Variants in BRD1 observed in about 807,000 individuals in gnomAD.
BRD1 encodes bromodomain-containing protein 1.
In BRD1, 24 loss-of-function variants were observed where a neutral mutation model predicts 107.7. The ratio of observed to expected loss-of-function variants is 0.22; its 90% CI spans 0.16 to 0.31. The LOEUF (loss-of-function observed/expected upper bound fraction) is 0.31, where lower values mean the gene tolerates loss of function less well. Ranked by LOEUF, BRD1 falls within the 10% of genes least tolerant of loss-of-function variation. The probability of loss-of-function intolerance (pLI) is 1.00; values close to 1 mark genes in which losing one functional copy is unlikely to be tolerated. For synonymous variants in BRD1, 744 were observed against 686.1 expected, an observed-to-expected ratio of 1.08 and a Z score of -1.32; for missense variants, 1,279 against 1,638.6, an observed-to-expected ratio of 0.78 and a Z score of 3.79.
intron 2 of BRD1, 95 bp from the exon 3 acceptor site, chr22:49,804,455 T>C (rs2059702932): frequency 2.9e-6 from 4 of 1,399,082 alleles, no homozygotes; most frequent in South Asian, 3.0e-5. Context: ...AACAAAACCA[T>C]GTGTTCATAC....
In BRD1 at chr22:49,827,525, G is replaced by C. The variant is rs2060159622; in HGVS notation, c.-43C>G. Reference sequence around the variant, plus strand: ...CGGGGCGCCGCGGCCGCGGGAGCCCGGCAAGCGGGCGGGCGCGGGGGCCGG... The same window carrying C: ...CGGGGCGCCGCGGCCGCGGGAGCCCCGCAAGCGGGCGGGCGCGGGGGCCGG... On this transcript the variant is annotated 5_prime_UTR_variant, in exon 1 of 13. Transcript: ENST00000404760. 1 of 144,788 alleles carries C rather than the reference G, an allele frequency of 6.9e-6. No homozygotes were observed. Among genetic ancestry groups the C allele is most frequent in the Non-Finnish European group, 1.5e-5 (1 of 65,306 alleles). The allele number at this position is 144,788 out of a possible 1,614,324, so 9.0% of individuals were successfully genotyped here.
At chr22:49,820,461 C>A (rs2060044182) in intron 2 of BRD1, among the ~76,000 whole-genome samples, 1 of 152,162 alleles carries the variant, frequency 6.6e-6, no homozygotes. Context: ...ATGGGCCAGG[C>A]ACAGTGGCTC....
intron 3 of BRD1, among the ~76,000 whole-genome samples, chr22:49,800,414 G>A (rs573726722): frequency 2.0e-5 from 3 of 152,240 alleles, no homozygotes; most frequent in Non-Finnish European, 2.9e-5. Flanking sequence ...ATCAACTCAA[G>A]CAAAGGCAGG....
In BRD1 at chr22:49,788,714, G is replaced by A. The variant is rs554718257; in HGVS notation, c.2360-827C>T. ...TGGCACGAGGCTAACAGGGCGAGGC[G>A]ACGCCACAACAAGCCAAGCCCAGCC... On this transcript the variant is annotated intron_variant, in intron 7 of 12. Coordinates refer to ENST00000404760, the MANE Select transcript of BRD1 (RefSeq NM_001304808.3). Among the ~76,000 whole-genome samples the A allele has an allele frequency of 1.2e-4, 18 of 152,278 alleles. No homozygotes were observed. In the East Asian group the frequency reaches 2.1e-3, roughly 18 times the overall value.
At chr22:49,780,670 T>C (rs1240396968) in intron 8 of BRD1, among the ~76,000 whole-genome samples, 1 of 152,242 alleles carries the variant, frequency 6.6e-6, no homozygotes, top group Non-Finnish European at 1.5e-5. Context: ...AGCCTCCACC[T>C]GGACCACCAG....
intron 8 of BRD1, among the ~76,000 whole-genome samples, chr22:49,778,742 A>G (rs2059148600): frequency 6.6e-6 from 1 of 152,042 alleles, no homozygotes; most frequent in Admixed American, 6.6e-5. Context: ...GCTCACTGCA[A>G]GCTCCACCTC....
At chr22:49,817,342 C>T (rs551725638) in intron 2 of BRD1, 2 of 197,240 alleles carry the variant, frequency 1.0e-5, no homozygotes, top group South Asian at 1.1e-4. Flanking sequence ...GCAGAAGGAA[C>T]TTTCTTCATG....
intron 2 of BRD1, among the ~76,000 whole-genome samples, chr22:49,818,997 C>A (rs890254943): frequency 1.3e-5 from 2 of 152,096 alleles, no homozygotes; most frequent in African/African-American, 4.8e-5. Flanking sequence ...GTGGTTCACG[C>A]CTGTAATCTC....
At position 49,787,597 on chromosome 22, in the gene BRD1, G is replaced by C. The variant is rs1358082663; in HGVS notation, c.2650C>G (p.Leu884Val). The change falls in exon 8 of 13, where the codon CTC becomes GTC. Residue 884 changes from leucine to valine, a missense_variant. Around this residue, in one of 7 missense-constraint regions of BRD1, gnomAD observed 263 missense variants for 251.6 expected, o/e 1.05. Transcript: ENST00000404760. ...ASDVNRRTSV[L>V]FCKSKSVSPP... is the part of the protein sequence containing the mutation. ...CTTACACTTTTCGATTTGCAGAAGAGAACAGAAGTGCGTCTGTTTACATCG... is the reference window on the plus strand; with the variant it reads ...CTTACACTTTTCGATTTGCAGAAGACAACAGAAGTGCGTCTGTTTACATCG... 1.9e-6 allele frequency: 3 copies of C among 1,556,252 alleles called. No homozygotes were observed. In the African/African-American group the frequency reaches 4.1e-5, roughly 21 times the overall value.
intron 6 of BRD1, among the ~76,000 whole-genome samples, chr22:49,797,263 A>G (rs571874540): frequency 6.6e-6 from 1 of 152,370 alleles, no homozygotes; most frequent in Non-Finnish European, 1.5e-5. Context: ...ACACACTCCC[A>G]GAGCCCTTTC....
chr22:49,793,741 AAT>A (rs1426396654), intron 7 of BRD1, among the ~76,000 whole-genome samples: 1 of 152,240 alleles, frequency 6.6e-6, no homozygotes, highest in Non-Finnish European at 1.5e-5. Context: ...ATTCTTTTCA[AAT>A]AGTTTCTCAG....
At chr22:49,827,313 G>A (rs2060156980) in intron 1 of BRD1, among the ~76,000 whole-genome samples, 184 bp downstream of exon 1, 2 of 149,560 alleles carry the variant, frequency 1.3e-5, no homozygotes, top group East Asian at 2.0e-4. Flanking sequence ...CGGTCTCCCC[G>A]CCCGGCCTCC....
At position 49,797,898 on chromosome 22, in the gene BRD1, C is replaced by G; in HGVS notation, c.2005G>C (p.Glu669Gln). Reference protein sequence around the residue: ...GGVVLRQARREVDSIGLEEAS... With the variant: ...GGVVLRQARRQVDSIGLEEAS... Reference sequence around the variant, plus strand: ...TCTTCCAAGCCGATGCTGTCCACCTCGCGCCGGGCCTGCCTCAGAACAACA... The same window carrying G: ...TCTTCCAAGCCGATGCTGTCCACCTGGCGCCGGGCCTGCCTCAGAACAACA... The change falls in exon 6 of 13, where the codon GAG (glutamate) becomes CAG (glutamine). Residue 669 changes from glutamate to glutamine, a missense_variant. Transcript: ENST00000404760. 6.2e-7 allele frequency: 1 copy of G among 1,614,034 alleles called. No individual in the cohort carries two copies. Among genetic ancestry groups the G allele is most frequent in the Non-Finnish European group, 8.5e-7 (1 of 1,180,036 alleles).
In BRD1 at chr22:49,796,096, CTT is replaced by C. The variant is rs60893505; in HGVS notation, c.2098+1707_2098+1708del. ...TAAAAATATATTTCCATTGTGTTTTCTTTTTTTTTTTTTTGAGACAGTCTTGC... is the reference window on the plus strand; with the variant it reads ...TAAAAATATATTTCCATTGTGTTTTCTTTTTTTTTTTTGAGACAGTCTTGC... On this transcript the variant is annotated intron_variant, in intron 6 of 12. Coordinates refer to ENST00000404760, the MANE Select transcript of BRD1 (RefSeq NM_001304808.3). 4.1e-3 allele frequency among the ~76,000 whole-genome samples: 591 copies of C among 144,432 alleles called. 1 individual carries two copies. The highest frequency in any genetic ancestry group is 0.013 in the African/African-American group (519 of 39,362). 94.8% of individuals were successfully genotyped at this position (144,432 alleles called of 152,430 possible).
Position 49,783,347 on chromosome 22 carries a change from G to C in BRD1, c.2857+4043C>G, listed in dbSNP as rs2059252548. On this transcript the variant is annotated intron_variant, in intron 8 of 12. Transcript: ENST00000404760. This position sits in a 1 kb window ranked among gnomAD's most constrained non-coding sequence, Gnocchi z 4.2. ...ATTGTGGGGAAAAAACAGAGGAAGG[G>C]GAAGTAAGGGGAGAAGGAAATCAGG... 1.3e-5 allele frequency among the ~76,000 whole-genome samples: 2 copies of C among 152,230 alleles called. No homozygotes were observed. The highest frequency in any genetic ancestry group is 6.5e-5 in the Admixed American group (1 of 15,288).
At position 49,776,146 on chromosome 22, in the gene BRD1, G is replaced by T; in HGVS notation, c.3135C>A (p.Ser1045Arg). 1 of 1,605,222 alleles carries T rather than the reference G, an allele frequency of 6.2e-7. No homozygotes were observed. Residue 1045 changes from serine (S) to arginine (R), a missense_variant, in exon 11 of 13, where the codon AGC becomes AGA. Physicochemically the swap from Ser to Arg is moderately radical, Grantham distance 110 (BLOSUM62 -1). This residue lies in a region of BRD1 where 263 missense variants were observed against 251.6 expected (regional missense o/e 1.05). Coordinates refer to ENST00000404760, the MANE Select transcript of BRD1 (RefSeq NM_001304808.3). Reference sequence around the variant, plus strand: ...CGGCATCAGTGGAGATCCACATGCTGCTCTGGCCGACTTCTGCGGAGAGGG... The same window carrying T: ...CGGCATCAGTGGAGATCCACATGCTTCTCTGGCCGACTTCTGCGGAGAGGG... ...AARIAAEVGQ[S>R]SMWISTDAAA...
chr22:49,810,366 A>G (rs750469842), intron 2 of BRD1, among the ~76,000 whole-genome samples: 36 of 152,170 alleles, frequency 2.4e-4, no homozygotes, highest in Non-Finnish European at 5.0e-4. Context: ...AAATATATAT[A>G]TATGTGCACA....
Position 49,774,367 on chromosome 22 carries a change from T to A in BRD1, c.3436A>T (p.Ile1146Leu), listed in dbSNP as rs769189277. The change falls in exon 13 of 13, where the codon ATA (isoleucine) becomes TTA (leucine). Residue 1146 changes from isoleucine (I) to leucine (L), a missense_variant. By Grantham distance (5) the Ile-to-Leu change is conservative. This residue lies in a region of BRD1 where 136 missense variants were observed against 196.8 expected (regional missense o/e 0.69). Transcript: ENST00000404760. ...CCTTCCATCATCTTTAACTTGTCTATAGTTTCGTCAATACCAAGGGGAACC... is the reference window on the plus strand; with the variant it reads ...CCTTCCATCATCTTTAACTTGTCTAAAGTTTCGTCAATACCAAGGGGAACC... ...KMVPLGIDETIDKLKMMEGRN... is the reference protein window; with the variant it reads ...KMVPLGIDETLDKLKMMEGRN... 2 of 1,614,034 alleles carry A rather than the reference T, an allele frequency of 1.2e-6. No homozygotes were observed. Among genetic ancestry groups the A allele is most frequent in the Admixed American group, 1.7e-5 (1 of 60,014 alleles).
chr22:49,825,440 C>T (rs948608878), intron 1 of BRD1, among the ~76,000 whole-genome samples: 4 of 152,156 alleles, frequency 2.6e-5, no homozygotes, highest in African/African-American at 9.7e-5. Context: ...TCCAGCTCCT[C>T]GTGGCAGAGG....
Sources: allele counts gnomAD v4.1 joint callset (sites outside exome capture counted in the v4.1 genomes callset), GRCh38; gene constraint gnomAD v4.1.1; regional missense constraint gnomAD v4.1.1; non-coding constraint Gnocchi (gnomAD v3.1); transcripts MANE v1.5; gene names NCBI Gene and HGNC (gene_info 2026-07-23, HGNC 2026-07-21).